The following ZFP91 variants were observed in gnomAD, a reference collection of about 807,000 sequenced individuals.
ZFP91 encodes E3 ubiquitin-protein ligase ZFP91.
In ZFP91, 7 loss-of-function variants were observed where a neutral mutation model predicts 63.5. That is an observed-to-expected ratio of 0.11 (90% CI 0.06 to 0.21). The LOEUF (loss-of-function observed/expected upper bound fraction) is 0.21, where lower values mean the gene tolerates loss of function less well. ZFP91 is among the 10% of genes least tolerant of loss of function. The probability of loss-of-function intolerance (pLI) is 1.00; values close to 1 mark genes in which losing one functional copy is unlikely to be tolerated. For missense variants in ZFP91, 628 were observed against 736.6 expected (o/e 0.85, Z 1.71); for synonymous variants, 330 against 272.1 (o/e 1.21, Z -2.10).
Position 58,617,700 on chromosome 11 carries a change from A to G in ZFP91, c.1707A>G (p.Gly569=). Residue 569 remains glycine, a synonymous_variant, in exon 11 of 11, where the codon GGA becomes GGG. Transcript: ENST00000316059. This position sits in a 1 kb window ranked among gnomAD's most constrained non-coding sequence, Gnocchi z 4.2. ...EVLIEDSDSA[G]P is the part of the protein sequence containing the mutation. Reference sequence around the variant, plus strand: ...TGATTGAAGATTCAGACTCTGCCGGACCTTAGTGGACAGGAAGACTTGGGG... The same window carrying G: ...TGATTGAAGATTCAGACTCTGCCGGGCCTTAGTGGACAGGAAGACTTGGGG... 1 of 1,500,212 alleles carries G rather than the reference A, an allele frequency of 6.7e-7. No individual in the cohort carries two copies. The allele number at this position is 1,500,212 out of a possible 1,614,324, so 92.9% of individuals were successfully genotyped here. A position where few individuals can be genotyped will look rare whatever the true frequency, so the allele number is the denominator to read the frequency against.
At chr11:58,612,708 G>A in intron 7 of ZFP91, 54 bp from the exon 8 acceptor site, 4 of 1,389,210 alleles carry the variant, frequency 2.9e-6, no homozygotes, top group Non-Finnish European at 4.0e-6. Context: ...AGGCCACTGT[G>A]CAGAGTACCA....
At chr11:58,600,470 A>G (rs1855475288) in intron 2 of ZFP91, among the ~76,000 whole-genome samples, 3 of 152,102 alleles carry the variant, frequency 2.0e-5, no homozygotes, top group African/African-American at 7.2e-5. Context: ...GTTCATTGCT[A>G]ATATGCTTAA....
At chr11:58,584,651 A>G (rs534017621) in intron 1 of ZFP91, among the ~76,000 whole-genome samples, 1 of 152,238 alleles carries the variant, frequency 6.6e-6, no homozygotes, top group Non-Finnish European at 1.5e-5. Flanking sequence ...TCACAATTAC[A>G]TGAACTGTTT....
intron 2 of ZFP91, among the ~76,000 whole-genome samples, chr11:58,599,652 C>G (rs1855461331): frequency 6.6e-6 from 1 of 151,928 alleles, no homozygotes; most frequent in African/African-American, 2.4e-5. Context: ...GAGAAATAAT[C>G]TGTTTAGGTT....
rs1413009830 is a variant in ZFP91 at position 58,579,577 on chromosome 11, C to G, written c.296C>G (p.Ala99Gly). ...PDVPGQQPQAAKSPSPVQGKK... is the reference protein window; with the variant it reads ...PDVPGQQPQAGKSPSPVQGKK... The stretch of plus-strand genomic sequence containing the variant: ...GTCCCCGGGCAGCAGCCCCAGGCCG[C>G]GAAGTCCCCGTCTCCAGTTCAGGGC... The change falls in exon 1 of 11, where the codon GCG (alanine) becomes GGG (glycine). Residue 99 changes from alanine (A) to glycine (G), a missense_variant. Physicochemically the swap from Ala to Gly is moderately conservative, Grantham distance 60 (BLOSUM62 0). Coordinates refer to ENST00000316059, the MANE Select transcript of ZFP91 (RefSeq NM_053023.5). 3 of 1,584,050 alleles carry G rather than the reference C, an allele frequency of 1.9e-6. No individual in the cohort carries two copies. The highest frequency in any genetic ancestry group is 2.2e-5 in the South Asian group (2 of 88,942).
At chr11:58,597,959 A>AATGTTTCAGGTTT (rs1855429677) in intron 2 of ZFP91, among the ~76,000 whole-genome samples, 1 of 152,118 alleles carries the variant, frequency 6.6e-6, no homozygotes, top group Non-Finnish European at 1.5e-5. Context: ...ATTGCTCTAA[A>AATGTTTCAGGTTT]CATAGTGAAA....
chr11:58,595,171 T>A (rs1307652069), intron 2 of ZFP91, among the ~76,000 whole-genome samples: 1 of 152,200 alleles, frequency 6.6e-6, no homozygotes, highest in African/African-American at 2.4e-5. Context: ...TCTTCATCTA[T>A]GAAGATAAGA....
intron 4 of ZFP91, 31 bp from the exon 5 acceptor site, chr11:58,610,919 G>A (rs756698042): frequency 6.3e-7 from 1 of 1,596,480 alleles, no homozygotes; most frequent in Non-Finnish European, 8.6e-7. Flanking sequence ...GCTACAACCA[G>A]AATGTCTCAT....
chr11:58,599,660 G>A (rs1277305206), intron 2 of ZFP91, among the ~76,000 whole-genome samples: 5 of 151,836 alleles, frequency 3.3e-5, no homozygotes, highest in Non-Finnish European at 7.4e-5. Flanking sequence ...ATCTGTTTAG[G>A]TTCTTTGCCC....
At position 58,579,333 on chromosome 11, in the gene ZFP91, G is replaced by T; in HGVS notation, c.52G>T (p.Gly18Trp). ...ACCCCCGGAGCAGCAGGACCAGGAA[G>T]GGGGAGAGGCGGCCAAGGCGGCTCC... ...PRPPEQQDQEGGEAAKAAPEE... is the reference protein window; with the variant it reads ...PRPPEQQDQEWGEAAKAAPEE... The change falls in exon 1 of 11, where the codon GGG becomes TGG. Residue 18 changes from glycine (G) to tryptophan (W), a missense_variant. By Grantham distance (184) the Gly-to-Trp change is radical (BLOSUM62 -2). This residue lies in a region of ZFP91 where 437 missense variants were observed against 380.3 expected (regional missense o/e 1.15). Transcript: ENST00000316059. The T allele has an allele frequency of 6.7e-7, 1 of 1,495,214 alleles. No individual in the cohort carries two copies. The allele number at this position is 1,495,214 out of a possible 1,614,324, so 92.6% of individuals were successfully genotyped here.
chr11:58,609,455 C>G (rs535623322), intron 2 of ZFP91, among the ~76,000 whole-genome samples: 16 of 152,240 alleles, frequency 1.1e-4, no homozygotes, highest in African/African-American at 3.9e-4. Context: ...ATGGTTCTTT[C>G]TTTTTGGTGC....
intron 7 of ZFP91, 119 bp from the exon 8 acceptor site, chr11:58,612,643 A>G: frequency 1.3e-6 from 1 of 761,174 alleles, no homozygotes; most frequent in South Asian, 1.8e-5. Context: ...TAGTAAAGAG[A>G]TTTTAATTCT....
intron 2 of ZFP91, among the ~76,000 whole-genome samples, chr11:58,598,684 C>T (rs1855443362): frequency 6.6e-6 from 1 of 151,284 alleles, no homozygotes; most frequent in Non-Finnish European, 1.5e-5. Context: ...ATTGTTTATG[C>T]TAATGTATGG....
In ZFP91 at chr11:58,612,338, T is replaced by C. The variant is rs182271764; in HGVS notation, c.908+10T>C. 202 of 1,613,370 alleles carry C rather than the reference T, an allele frequency of 1.3e-4. No homozygotes were observed. The East Asian group carries it at 3.9e-3, about 31-fold the overall frequency. ...GTTTACCCAAAAGGAGGTGAGGAAT[T>C]TTTACCCCTACTGTTTTACACCTTA... On this transcript the variant is annotated intron_variant, in intron 7 of 10. Coordinates refer to ENST00000316059, the MANE Select transcript of ZFP91 (RefSeq NM_053023.5).
chr11:58,616,240 C>A (rs1442021897), intron 9 of ZFP91, among the ~76,000 whole-genome samples: 1 of 152,028 alleles, frequency 6.6e-6, no homozygotes. Context: ...GGTATGATTA[C>A]CTTTAGATCA....
intron 10 of ZFP91, 126 bp downstream of exon 10, chr11:58,616,941 G>T (rs980092204): frequency 7.3e-6 from 7 of 957,916 alleles, no homozygotes; most frequent in Non-Finnish European, 1.1e-5. Context: ...AGTGGATATT[G>T]ATTGGGGGCA....
intron 2 of ZFP91, among the ~76,000 whole-genome samples, chr11:58,597,208 C>T (rs148869174): frequency 4.9e-4 from 75 of 152,242 alleles, no homozygotes; most frequent in Non-Finnish European, 9.7e-4. Context: ...TTTTTCTCTT[C>T]GAGGCTCAGG....
chr11:58,617,655 C>T lies in ZFP91; in HGVS notation c.1662C>T (p.Leu554=), dbSNP rs756154296. The T allele has an allele frequency of 1.2e-5, 19 of 1,552,240 alleles. No homozygotes were observed. Among genetic ancestry groups the T allele is most frequent in the South Asian group, 3.8e-5 (3 of 79,608 alleles). ...TEGLVMNSDI[L]GATTEVLIED... ...GGCTGGTTATGAACTCAGATATACT[C>T]GGTGCTACCACAGAGGTTCTGATTG... The change falls in exon 11 of 11, where the codon CTC becomes CTT. Residue 554 remains leucine, a synonymous_variant. Transcript: ENST00000316059. The surrounding 1 kb of genome is among the most constrained non-coding windows in gnomAD (Gnocchi z 4.2).
chr11:58,617,086 G>GTGTT lies in ZFP91; in HGVS notation c.1203-107_1203-106insTTGT. ...TACTGATTATTGTGTGTGTGTGTGTGTGTGTGTGTGTGTATGTATATATAT... is the reference window on the plus strand; with the variant it reads ...TACTGATTATTGTGTGTGTGTGTGTGTGTTTGTGTGTGTGTGTATGTATATATAT... On this transcript the variant is annotated intron_variant, in intron 10 of 10. Coordinates refer to ENST00000316059, the MANE Select transcript of ZFP91 (RefSeq NM_053023.5). This position sits in a 1 kb window ranked among gnomAD's most constrained non-coding sequence, Gnocchi z 4.2. 1 of 959,400 alleles carries GTGTT rather than the reference G, an allele frequency of 1.0e-6. No homozygotes were observed. Among genetic ancestry groups the GTGTT allele is most frequent in the African/African-American group, 1.6e-5 (1 of 60,726 alleles). 59.4% of individuals were successfully genotyped at this position (959,400 alleles called of 1,614,324 possible). A position where few individuals can be genotyped will look rare whatever the true frequency, so the allele number is the denominator to read the frequency against.
Sources: gnomAD v4.1 joint callset for allele counts (sites outside exome capture counted in the v4.1 genomes callset) on GRCh38, gnomAD v4.1.1 for gene constraint, gnomAD v4.1.1 regional missense constraint, Gnocchi (gnomAD v3.1) non-coding constraint, MANE v1.5 for transcripts, NCBI Gene and HGNC (gene_info 2026-07-23, HGNC 2026-07-21) for gene names.